CDH4: variants seen among roughly 807,000 people sequenced by gnomAD.
The protein encoded by CDH4 is cadherin-4.
In CDH4, 33 loss-of-function variants were observed where a neutral mutation model predicts 86.0. That is an observed-to-expected ratio of 0.38 (90% CI 0.29 to 0.51). CDH4 has a LOEUF of 0.51. CDH4 is among the 20% of genes least tolerant of loss of function. The probability of loss-of-function intolerance (pLI) is 0.86; values close to 1 mark genes in which losing one functional copy is unlikely to be tolerated. For missense variants in CDH4, 1,114 were observed against 1,307.4 expected (o/e 0.85, Z 2.28); for synonymous variants, 555 against 549.4 (o/e 1.01, Z -0.14).
intron 2 of CDH4, among the ~76,000 whole-genome samples, chr20:61,345,447 C>T (rs978364223): frequency 6.6e-6 from 1 of 152,214 alleles, no homozygotes; most frequent in African/African-American, 2.4e-5. Context: ...ATTGAACATT[C>T]CGTATTTCAT....
chr20:61,552,428 G>T (rs916754674), intron 2 of CDH4, among the ~76,000 whole-genome samples: 6 of 152,258 alleles, frequency 3.9e-5, no homozygotes, highest in Non-Finnish European at 8.8e-5. Context: ...GCCAAGCACA[G>T]TGGCTCAACA....
chr20:61,473,336 C>T (rs1037811892), intron 2 of CDH4, among the ~76,000 whole-genome samples: 6 of 152,024 alleles, frequency 3.9e-5, no homozygotes, highest in Non-Finnish European at 7.4e-5. Context: ...AACAAGCAGG[C>T]AAATTTCTGG....
chr20:61,812,261 C>T (rs141113976), intron 4 of CDH4, among the ~76,000 whole-genome samples: 5 of 152,226 alleles, frequency 3.3e-5, no homozygotes, highest in East Asian at 1.9e-4. Flanking sequence ...CAGCCAGAGA[C>T]GGTCTCAGCC....
intron 2 of CDH4, among the ~76,000 whole-genome samples, chr20:61,349,221 G>A (rs2084696440): frequency 6.6e-6 from 1 of 152,212 alleles, no homozygotes; most frequent in Admixed American, 6.5e-5. Flanking sequence ...CGGGGACCCT[G>A]CAGGGCCACA....
At chr20:61,421,075 A>G (rs11697575) in intron 2 of CDH4, among the ~76,000 whole-genome samples, 5,135 of 152,316 alleles carry the variant, frequency 0.034, 125 homozygotes, top group Middle Eastern at 0.071. Flanking sequence ...ACTCATTTCT[A>G]TGGAGCTAAA....
At chr20:61,287,521 C>G (rs937243887) in intron 2 of CDH4, among the ~76,000 whole-genome samples, 1 of 152,128 alleles carries the variant, frequency 6.6e-6, no homozygotes, top group Non-Finnish European at 1.5e-5. Context: ...AGTGGCTGAG[C>G]CCTATTCATT....
Position 61,544,405 on chromosome 20 carries a change from G to A in CDH4, c.170-199158G>A, listed in dbSNP as rs1322563250. 2.6e-5 allele frequency among the ~76,000 whole-genome samples: 4 copies of A among 152,018 alleles called. No homozygotes were observed. The highest frequency in any genetic ancestry group is 4.4e-5 in the Non-Finnish European group (3 of 67,992). On this transcript the variant is annotated intron_variant, in intron 2 of 15. Transcript: ENST00000614565. The surrounding 1 kb of genome is among the most constrained non-coding windows in gnomAD (Gnocchi z 6.5). ...AGAAATCCAGCTTGCCCAGGAGAGA[G>A]GGGTGGGACTCCTGGTGTTCACTTC...
At chr20:61,281,036 C>T (rs1462440007) in intron 2 of CDH4, among the ~76,000 whole-genome samples, 2 of 152,166 alleles carry the variant, frequency 1.3e-5, no homozygotes, top group East Asian at 1.9e-4. Flanking sequence ...TTAAAGGAAA[C>T]TAGGAGGGAC....
At chr20:61,716,169 G>A (rs1320728780) in intron 2 of CDH4, among the ~76,000 whole-genome samples, 4 of 151,768 alleles carry the variant, frequency 2.6e-5, no homozygotes, top group African/African-American at 9.7e-5. Context: ...CTCCTCACCT[G>A]TGAGCCGCCC....
intron 2 of CDH4, among the ~76,000 whole-genome samples, chr20:61,664,212 G>C (rs1049089666): frequency 6.6e-6 from 1 of 152,222 alleles, no homozygotes; most frequent in Non-Finnish European, 1.5e-5. Context: ...GGGAGAGCAA[G>C]TCCAAGGCAG....
chr20:61,780,754 C>T (rs1023974629), intron 4 of CDH4, among the ~76,000 whole-genome samples: 14 of 152,190 alleles, frequency 9.2e-5, no homozygotes, highest in East Asian at 1.9e-4. Context: ...GGGGACTCCA[C>T]GCTCGAAGGG....
chr20:61,562,270 G>A (rs1387888428), intron 2 of CDH4, among the ~76,000 whole-genome samples: 28 of 103,076 alleles, frequency 2.7e-4, no homozygotes, highest in African/African-American at 1.2e-3. Context: ...GGACCTCCGT[G>A]TGGAGAGGTG....
chr20:61,793,781 G>A (rs567383971), intron 4 of CDH4, among the ~76,000 whole-genome samples: 38 of 150,392 alleles, frequency 2.5e-4, no homozygotes, highest in African/African-American at 8.3e-4. Flanking sequence ...GGAGGTTGCA[G>A]TGAGCCGAGA....
chr20:61,726,354 G>A (rs58617996), intron 2 of CDH4, among the ~76,000 whole-genome samples: 14,144 of 152,056 alleles, frequency 0.093, 1,101 homozygotes, highest in African/African-American at 0.21. Flanking sequence ...GTTTCTGCTT[G>A]GGAACCCCCT....
chr20:61,504,871 C>T (rs113712512), intron 2 of CDH4, among the ~76,000 whole-genome samples: 163 of 152,322 alleles, frequency 1.1e-3, no homozygotes, highest in African/African-American at 3.7e-3. Flanking sequence ...GCGTCCTCAT[C>T]ACCTTCACCG....
intron 2 of CDH4, among the ~76,000 whole-genome samples, chr20:61,360,043 T>A: frequency 6.6e-6 from 1 of 152,144 alleles, no homozygotes; most frequent in Non-Finnish European, 1.5e-5. Context: ...AGTTTTCACT[T>A]CTCATTGAAC....
intron 6 of CDH4, among the ~76,000 whole-genome samples, chr20:61,869,420 A>G (rs183627358): frequency 4.9e-4 from 75 of 152,336 alleles, no homozygotes; most frequent in Non-Finnish European, 1.0e-3. Flanking sequence ...AGCCTGACAT[A>G]CATACTGTCC....
rs573700122 is a variant in CDH4, at chr20:61,686,391, G to C, written c.170-57172G>C. Reference sequence around the variant, plus strand: ...CATTCGCATGTGTGTATATGTGTGTGTGCATTCACGTGTGTATGTGCCTGT... The same window carrying C: ...CATTCGCATGTGTGTATATGTGTGTCTGCATTCACGTGTGTATGTGCCTGT... On this transcript the variant is annotated intron_variant, in intron 2 of 15. Coordinates refer to ENST00000614565, the MANE Select transcript of CDH4 (RefSeq NM_001794.5). Among the ~76,000 whole-genome samples, 5 of 152,254 alleles carry C rather than the reference G, an allele frequency of 3.3e-5. No individual in the cohort carries two copies. The East Asian group carries it at 9.6e-4, about 29-fold the overall frequency.
chr20:61,804,008 A>G (rs146610497), intron 4 of CDH4, among the ~76,000 whole-genome samples: 1 of 152,350 alleles, frequency 6.6e-6, no homozygotes, highest in Non-Finnish European at 1.5e-5. Context: ...ATCTCTTGTC[A>G]AGGAAGTTGC....
Sources: gnomAD v4.1 joint callset for allele counts (sites outside exome capture counted in the v4.1 genomes callset) on GRCh38, gnomAD v4.1.1 for gene constraint, Gnocchi (gnomAD v3.1) non-coding constraint, MANE v1.5 for transcripts, NCBI Gene and HGNC (gene_info 2026-07-23, HGNC 2026-07-21) for gene names.